CPXM2: variants seen among roughly 807,000 people sequenced by gnomAD.
The protein encoded by CPXM2 is carboxypeptidase X, M14 family member 2, also known as inactive carboxypeptidase-like protein X2.
CPXM2 carries 66 observed loss-of-function variants against 86.1 expected under a neutral mutation model. That is an observed-to-expected ratio of 0.77 (90% CI 0.63 to 0.94). The LOEUF is 0.94. Ranked by LOEUF, CPXM2 falls within the 40% of genes least tolerant of loss-of-function variation. The pLI, the probability that CPXM2 is intolerant of heterozygous loss-of-function variation, is 0.00. For synonymous variants in CPXM2, 388 were observed against 400.2 expected (o/e 0.97, Z 0.36); for missense variants, 948 against 1,026.3 (o/e 0.92, Z 1.04).
upstream of CPXM2, among the ~76,000 whole-genome samples, chr10:123,894,262 T>C (rs976256955): frequency 3.3e-5 from 5 of 152,158 alleles, no homozygotes; most frequent in African/African-American, 1.2e-4. Flanking sequence ...ACATAACATA[T>C]ACCCGCTCTG....
chr10:123,903,008 C>T (rs560366584), intron 2 of CPXM2, among the ~76,000 whole-genome samples: 1 of 152,332 alleles, frequency 6.6e-6, no homozygotes, highest in Non-Finnish European at 1.5e-5. Context: ...CTGGCACTTC[C>T]CTTCACAGCA....
chr10:123,866,693 C>A (rs1368576583), intron 2 of CPXM2, among the ~76,000 whole-genome samples: 1 of 152,202 alleles, frequency 6.6e-6, no homozygotes, highest in Non-Finnish European at 1.5e-5. Context: ...CTGGAGTAAT[C>A]CGCCTGCAAT....
At chr10:123,788,878 GAAAA>G (rs11461379) in intron 6 of CPXM2, among the ~76,000 whole-genome samples, 3 of 138,864 alleles carry the variant, frequency 2.2e-5, no homozygotes, top group East Asian at 4.3e-4. Flanking sequence ...CACCTTGATT[GAAAA>G]AAAAAAAAAA....
chr10:123,808,843 A>C (rs1225764641), intron 4 of CPXM2, among the ~76,000 whole-genome samples: 1 of 152,172 alleles, frequency 6.6e-6, no homozygotes, highest in Admixed American at 6.5e-5. Context: ...TCCTTTAGCA[A>C]AGATTTATAT....
chr10:123,884,720 CTCTCTCTCTT>C (rs1261584987), intron 1 of CPXM2, among the ~76,000 whole-genome samples: 1 of 152,222 alleles, frequency 6.6e-6, no homozygotes, highest in African/African-American at 2.4e-5. Context: ...GCCCATCTCT[CTCTCTCTCTT>C]TCTCTCTCTG....
At chr10:123,871,101 T>G (rs1041118223) in intron 2 of CPXM2, among the ~76,000 whole-genome samples, 4 of 152,208 alleles carry the variant, frequency 2.6e-5, no homozygotes, top group African/African-American at 4.8e-5. Context: ...TCTGACCACC[T>G]ACCTCCTTCT....
intron 7 of CPXM2, among the ~76,000 whole-genome samples, chr10:123,776,467 A>G (rs1846791546): frequency 6.6e-6 from 1 of 152,344 alleles, no homozygotes; most frequent in Non-Finnish European, 1.5e-5. Context: ...TATCAGAAGG[A>G]AATTTTTCAT....
chr10:123,939,835 C>G (rs1281485109), intron 1 of CPXM2, among the ~76,000 whole-genome samples: 2 of 152,184 alleles, frequency 1.3e-5, no homozygotes, highest in Non-Finnish European at 2.9e-5. Flanking sequence ...GATCAGGGCT[C>G]TCTGACAGCC....
chr10:123,805,185 A>C (rs564832918), intron 4 of CPXM2, among the ~76,000 whole-genome samples: 1 of 152,070 alleles, frequency 6.6e-6, no homozygotes, highest in East Asian at 1.9e-4. Context: ...AACATTCAAA[A>C]ATATTAAATC....
At chr10:123,815,705 C>A (rs2134101388) in intron 4 of CPXM2, among the ~76,000 whole-genome samples, 1 of 152,298 alleles carries the variant, frequency 6.6e-6, no homozygotes, top group East Asian at 1.9e-4. Flanking sequence ...ACCCCCAACA[C>A]CCCTGTTTCC....
chr10:123,797,606 G>GTCTCACTCCATTGGCCAGGC (rs33953133), intron 6 of CPXM2, among the ~76,000 whole-genome samples: 1 of 151,484 alleles, frequency 6.6e-6, no homozygotes. Flanking sequence ...TTGAGACAGG[G>GTCTCACTCCATTGGCCAGGC]TGGAGTGTAG....
chr10:123,851,685 C>T lies in CPXM2; in HGVS notation c.514-9197G>A, dbSNP rs189230032. 4.0e-3 allele frequency among the ~76,000 whole-genome samples: 606 copies of T among 151,148 alleles called. 2 individuals are homozygous for T. Among genetic ancestry groups the T allele is most frequent in the African/African-American group, 0.014 (565 of 41,010 alleles). On this transcript the variant is annotated intron_variant, in intron 3 of 13. Transcript: ENST00000241305. Reference sequence around the variant, plus strand: ...TCGGGAGGCTGAGGCAGGGGAATCGCTTGAACCCGGGAGATGGAGGTTGCA... The same window carrying T: ...TCGGGAGGCTGAGGCAGGGGAATCGTTTGAACCCGGGAGATGGAGGTTGCA...
At chr10:123,808,788 G>A (rs1765034623) in intron 4 of CPXM2, among the ~76,000 whole-genome samples, 1 of 152,000 alleles carries the variant, frequency 6.6e-6, no homozygotes, top group African/African-American at 2.4e-5. Flanking sequence ...ACAAACCTAG[G>A]TCCCAAAGAA....
chr10:123,830,689 C>T (rs1212375541), intron 4 of CPXM2, among the ~76,000 whole-genome samples: 1 of 152,118 alleles, frequency 6.6e-6, no homozygotes, highest in Non-Finnish European at 1.5e-5. Context: ...TTGAATCTTA[C>T]CCATGGCCAA....
chr10:123,817,448 C>T (rs1001118566), intron 4 of CPXM2, among the ~76,000 whole-genome samples: 1 of 152,176 alleles, frequency 6.6e-6, no homozygotes, highest in African/African-American at 2.4e-5. Flanking sequence ...AGCACTTGGC[C>T]TGTTACTGGG....
chr10:123,842,657 AG>A (rs1848411611), intron 3 of CPXM2, among the ~76,000 whole-genome samples, 169 bp from the exon 4 acceptor site: 2 of 152,364 alleles, frequency 1.3e-5, no homozygotes, highest in South Asian at 4.1e-4. Context: ...AAATCATAAA[AG>A]GGAGTTGCTT....
upstream of CPXM2, among the ~76,000 whole-genome samples, chr10:123,895,951 G>A (rs1445362366): frequency 6.6e-6 from 1 of 152,196 alleles, no homozygotes; most frequent in East Asian, 1.9e-4. Context: ...CCTTAGACAG[G>A]ATTCTGCTAA....
At chr10:123,926,859 T>C (rs903051559) in intron 2 of CPXM2, among the ~76,000 whole-genome samples, 1 of 152,230 alleles carries the variant, frequency 6.6e-6, no homozygotes, top group African/African-American at 2.4e-5. Context: ...CCAGATTTTA[T>C]GTTATGTGAA....
chr10:123,878,668 T>C (rs1945033299), intron 2 of CPXM2, among the ~76,000 whole-genome samples: 1 of 152,000 alleles, frequency 6.6e-6, no homozygotes, highest in African/African-American at 2.4e-5. Flanking sequence ...CTCAAAAAAA[T>C]CTGGGCAAAA....
Sources: allele counts gnomAD v4.1 joint callset (sites outside exome capture counted in the v4.1 genomes callset), GRCh38; gene constraint gnomAD v4.1.1; transcripts MANE v1.5; gene names NCBI Gene and HGNC (gene_info 2026-07-23, HGNC 2026-07-21).